Variants in ZC3H13 observed in about 807,000 individuals in gnomAD.
The protein encoded by ZC3H13 is zinc finger CCCH domain-containing protein 13.
A neutral mutation model predicts 204.1 loss-of-function variants in ZC3H13; 64 were observed. The observed-to-expected ratio is 0.31, with a 90% confidence interval of 0.26 to 0.39. The LOEUF (loss-of-function observed/expected upper bound fraction) is 0.39, where lower values mean the gene tolerates loss of function less well. Among genes scored for constraint, ZC3H13 ranks in the 10% least tolerant of loss-of-function variants. ZC3H13 has a pLI of 1.00. For synonymous variants in ZC3H13, 667 were observed against 693.7 expected, an observed-to-expected ratio of 0.96 and a Z score of 0.60; for missense variants, 1,833 against 2,082.7, an observed-to-expected ratio of 0.88 and a Z score of 2.33.
At chr13:46,031,962 C>A (rs2042924409) in intron 4 of ZC3H13, among the ~76,000 whole-genome samples, 1 of 152,202 alleles carries the variant, frequency 6.6e-6, no homozygotes, top group African/African-American at 2.4e-5. Context: ...ACACAAAAAT[C>A]TGCACACAGA....
At chr13:46,031,282 C>G (rs529253990) in intron 4 of ZC3H13, among the ~76,000 whole-genome samples, 1 of 151,928 alleles carries the variant, frequency 6.6e-6, no homozygotes, top group South Asian at 2.1e-4. Flanking sequence ...ACAGCCTTCA[C>G]AAAAATTAAC....
intron 8 of ZC3H13, among the ~76,000 whole-genome samples, chr13:45,998,612 G>A (rs967798912): frequency 9.9e-5 from 15 of 151,456 alleles, no homozygotes; most frequent in African/African-American, 3.7e-4. Context: ...TTGTGCCACT[G>A]CACTCCAGCC....
intron 4 of ZC3H13, among the ~76,000 whole-genome samples, chr13:46,038,265 TGTTG>T (rs1442008645): frequency 6.6e-6 from 1 of 152,208 alleles, no homozygotes; most frequent in East Asian, 1.9e-4. Context: ...ACAGTTCTTG[TGTTG>T]GTTTTCTCTT....
chr13:45,964,144 A>G, intron 16 of ZC3H13, 102 bp from the exon 17 acceptor site: 21 of 1,190,500 alleles, frequency 1.8e-5, no homozygotes, highest in Non-Finnish European at 2.2e-5. Context: ...AGAAAAAATG[A>G]AAAGTACTTT....
intron 4 of ZC3H13, among the ~76,000 whole-genome samples, chr13:46,021,586 C>A (rs1041249469): frequency 6.6e-6 from 1 of 151,640 alleles, no homozygotes; most frequent in South Asian, 2.1e-4. Context: ...ATATAACTGC[C>A]CCTAAATTCT....
At chr13:45,960,130 T>C (rs1951575186) in intron 17 of ZC3H13, among the ~76,000 whole-genome samples, 1 of 151,890 alleles carries the variant, frequency 6.6e-6, no homozygotes, top group South Asian at 2.1e-4. Context: ...TTTTTTTTGG[T>C]ATTTTTAGTA....
chr13:46,039,249 T>C (rs1318065218), intron 4 of ZC3H13, among the ~76,000 whole-genome samples: 1 of 152,204 alleles, frequency 6.6e-6, no homozygotes, highest in Non-Finnish European at 1.5e-5. Context: ...GTACTAACTT[T>C]ATTTGATGAA....
At chr13:45,983,335 C>T (rs960066183) in intron 10 of ZC3H13, among the ~76,000 whole-genome samples, 1 of 141,158 alleles carries the variant, frequency 7.1e-6, no homozygotes, top group Admixed American at 7.2e-5. Context: ...CTACAAACAC[C>T]ATACTTAGTA....
chr13:46,002,499 C>T (rs141999126), intron 8 of ZC3H13, among the ~76,000 whole-genome samples: 267 of 152,150 alleles, frequency 1.8e-3, no homozygotes, highest in African/African-American at 6.2e-3. Context: ...TCAACAATAG[C>T]CAGGAGGTGA....
chr13:45,968,971 G>A lies in ZC3H13; in HGVS notation c.3573C>T (p.Ser1191=). The change falls in exon 14 of 19, where the codon AGC becomes AGT. Residue 1191 remains serine (S), a synonymous_variant. Transcript: ENST00000679008. ...TACGGTTACTCCGATTGCTCCCGAGGCTGCTGCTCCTCTTTTGATCCATAG... is the reference window on the plus strand; with the variant it reads ...TACGGTTACTCCGATTGCTCCCGAGACTGCTGCTCCTCTTTTGATCCATAG... ...RKPMDQKRSS[S]LGSNRSNRSH... The A allele has an allele frequency of 6.2e-7, 1 of 1,614,208 alleles. No homozygotes were observed. The highest frequency in any genetic ancestry group is 1.7e-5 in the Admixed American group (1 of 60,008).
intron 10 of ZC3H13, 130 bp downstream of exon 10, chr13:45,985,167 T>C: frequency 2.0e-6 from 2 of 1,024,610 alleles, no homozygotes; most frequent in Non-Finnish European, 2.8e-6. Flanking sequence ...TAAGGAAGAC[T>C]ACAAGTTCAA....
At chr13:45,959,250 G>A (rs776302700) in intron 18 of ZC3H13, among the ~76,000 whole-genome samples, 1 of 151,850 alleles carries the variant, frequency 6.6e-6, no homozygotes. Context: ...CACAAAAAAC[G>A]TTTAACAGAA....
chr13:46,007,648 T>C (rs2041247717), intron 7 of ZC3H13, among the ~76,000 whole-genome samples: 1 of 152,192 alleles, frequency 6.6e-6, no homozygotes, highest in African/African-American at 2.4e-5. Context: ...CACAATTACG[T>C]TACAGTGCTT....
intron 1 of ZC3H13, chr13:46,051,996 G>GGGGAAAAAAAAA (rs71184436): frequency 8.3e-6 from 1 of 120,084 alleles, no homozygotes; most frequent in Non-Finnish European, 1.6e-5. Context: ...ACTGCTGAGG[G>GGGGAAAAAAAAA]AAAAAAAAAA....
intron 12 of ZC3H13, among the ~76,000 whole-genome samples, chr13:45,974,632 C>T (rs1022940130): frequency 6.6e-5 from 10 of 152,082 alleles, no homozygotes; most frequent in African/African-American, 2.4e-4. Context: ...ATCTTCGAAC[C>T]ATGCAGTGAT....
chr13:45,970,550 A>G lies in ZC3H13; in HGVS notation c.2469-85T>C, dbSNP rs1593478254. On this transcript the variant is annotated intron_variant, in intron 12 of 18. Coordinates refer to ENST00000679008, the MANE Select transcript of ZC3H13 (RefSeq NM_001330564.2). ...TTGTTTTTACTAGTATCTCTTTACTATAACTGGAACATATAATTGTAGGAA... is the reference window on the plus strand; with the variant it reads ...TTGTTTTTACTAGTATCTCTTTACTGTAACTGGAACATATAATTGTAGGAA... 4.7e-6 allele frequency: 5 copies of G among 1,058,876 alleles called. No homozygotes were observed. The East Asian group carries it at 7.2e-5, about 15-fold the overall frequency. The allele number at this position is 1,058,876 out of a possible 1,614,324, so 65.6% of individuals were successfully genotyped here.
At chr13:46,004,577 T>A (rs1038717522) in intron 7 of ZC3H13, among the ~76,000 whole-genome samples, 3 of 152,100 alleles carry the variant, frequency 2.0e-5, no homozygotes, top group Admixed American at 6.6e-5. Context: ...ATTTAGGTAA[T>A]CATTTTTATT....
At position 45,985,467 on chromosome 13, in the gene ZC3H13, C is replaced by A. The variant is rs1414888440; in HGVS notation, c.1550G>T (p.Arg517Leu). ...TTCTTCTGGATATGTATCCTCCTTTCGATGAGTATCTCGACCTTCACGGTC... is the reference window on the plus strand; with the variant it reads ...TTCTTCTGGATATGTATCCTCCTTTAGATGAGTATCTCGACCTTCACGGTC... ...YRDREGRDTHRKEDTYPEESR... is the reference protein window; with the variant it reads ...YRDREGRDTHLKEDTYPEESR... Residue 517 changes from arginine (R) to leucine (L), a missense_variant, in exon 10 of 19, where the codon CGA (arginine) becomes CTA (leucine). Around this residue, in one of 5 missense-constraint regions of ZC3H13, gnomAD observed 1,574 missense variants for 1,757.2 expected, o/e 0.90. Coordinates refer to ENST00000679008, the MANE Select transcript of ZC3H13 (RefSeq NM_001330564.2). The A allele has an allele frequency of 1.7e-5, 27 of 1,614,212 alleles. No individual in the cohort carries two copies. The highest frequency in any genetic ancestry group is 2.3e-5 in the Non-Finnish European group (27 of 1,180,030).
intron 8 of ZC3H13, among the ~76,000 whole-genome samples, chr13:45,991,604 C>T (rs1177847612): frequency 3.9e-5 from 6 of 152,046 alleles, no homozygotes; most frequent in Non-Finnish European, 7.4e-5. Flanking sequence ...CAGATTAATT[C>T]GTCTTATGCT....
Sources: gnomAD v4.1 joint callset for allele counts (sites outside exome capture counted in the v4.1 genomes callset) on GRCh38, gnomAD v4.1.1 for gene constraint, gnomAD v4.1.1 regional missense constraint, MANE v1.5 for transcripts, NCBI Gene and HGNC (gene_info 2026-07-23, HGNC 2026-07-21) for gene names.